The following LRCH2 variants were observed in gnomAD, a reference collection of about 807,000 sequenced individuals.
The protein encoded by LRCH2 is leucine-rich repeat and calponin homology domain-containing protein 2.
Under a neutral mutation model 68.9 loss-of-function variants are expected in LRCH2, and 38 were observed. That is an observed-to-expected ratio of 0.55 (90% CI 0.43 to 0.72). LRCH2 has a LOEUF of 0.72. LRCH2 is among the 30% of genes least tolerant of loss of function. The pLI is 0.00. For missense variants in LRCH2, 528 were observed against 572.9 expected (o/e 0.92, Z 0.80); for synonymous variants, 191 against 208.1 (o/e 0.92, Z 0.71).
chrX:115,118,668 T>A (rs2072106530), intron 20 of LRCH2, among the ~76,000 whole-genome samples: 1 of 111,449 alleles, frequency 9.0e-6, no homozygotes, highest in Non-Finnish European at 1.9e-5. Flanking sequence ...ACTCATTTGA[T>A]GAGGCCAGCA....
At chrX:115,232,928 T>C (rs986553594) in intron 1 of LRCH2, among the ~76,000 whole-genome samples, 1 of 111,934 alleles carries the variant, frequency 8.9e-6, no homozygotes, top group Non-Finnish European at 1.9e-5. Context: ...CCCAAAGTGA[T>C]AAACCTTTAA....
chrX:115,205,869 C>T (rs997255583), intron 1 of LRCH2, among the ~76,000 whole-genome samples: 2 of 109,627 alleles, frequency 1.8e-5, no homozygotes, highest in South Asian at 3.9e-4. Flanking sequence ...ACCTGGGAGG[C>T]GGAGGTTGCA....
chrX:115,228,569 A>T (rs2073134123), intron 1 of LRCH2, among the ~76,000 whole-genome samples: 1 of 111,630 alleles, frequency 9.0e-6, no homozygotes, highest in South Asian at 3.8e-4. Context: ...TAAGTCTTCA[A>T]TTATCTTTAT....
chrX:115,225,904 A>C (rs1376813351), intron 1 of LRCH2, among the ~76,000 whole-genome samples: 1 of 112,208 alleles, frequency 8.9e-6, no homozygotes, highest in Non-Finnish European at 1.9e-5. Context: ...ATACCTTTTT[A>C]AACACACTTG....
intron 1 of LRCH2, among the ~76,000 whole-genome samples, chrX:115,214,859 A>G (rs1476482768): frequency 1.8e-5 from 2 of 111,967 alleles, no homozygotes; most frequent in African/African-American, 6.5e-5. Context: ...CCTTATTTAA[A>G]AGAAGAGGGA....
chrX:115,231,101 A>G (rs781966520), intron 1 of LRCH2, among the ~76,000 whole-genome samples: 4 of 111,407 alleles, frequency 3.6e-5, no homozygotes, highest in Non-Finnish European at 7.6e-5. Context: ...TTTCACCCAG[A>G]TTCTCACCAC....
chrX:115,149,817 T>A lies in LRCH2; in HGVS notation c.1695+10A>T, dbSNP rs2072417651. On this transcript the variant is annotated intron_variant, in intron 14 of 20. Transcript: ENST00000317135. The stretch of plus-strand genomic sequence containing the variant: ...TTACAAAGTAAATTTAAAAACTTAA[T>A]ATAGAGTACCTTGAAATATTCTTTT... 7 of 1,073,145 alleles carry A rather than the reference T, an allele frequency of 6.5e-6. No individual in the cohort carries two copies. In the East Asian group the frequency reaches 2.1e-4, roughly 33 times the overall value. The allele number at this position is 1,073,145 out of a possible 1,213,427, so 88.4% of individuals were successfully genotyped here.
In LRCH2 at chrX:115,126,868, G is replaced by A; in HGVS notation, c.1766C>T (p.Ser589Leu). 1 of 1,081,393 alleles carries A rather than the reference G, an allele frequency of 9.2e-7. No individual in the cohort carries two copies. Among genetic ancestry groups the A allele is most frequent in the Non-Finnish European group, 1.2e-6 (1 of 825,620 alleles). 89.1% of individuals were successfully genotyped at this position (1,081,393 alleles called of 1,213,427 possible). The change falls in exon 16 of 21, where the codon TCA (serine) becomes TTA (leucine). Residue 589 changes from serine (S) to leucine (L), a missense_variant. Coordinates refer to ENST00000317135, the MANE Select transcript of LRCH2 (RefSeq NM_020871.4). ...DEQDSDNANM[S>L]TQSPVSSEEY... ...CTCAGATGATACTGGAGATTGTGTT[G>A]ACATATTAGCATTATCACTGTCTTG... is the stretch of plus-strand genomic sequence containing the variant.
At chrX:115,121,171 T>TA (rs782084039) in intron 20 of LRCH2, among the ~76,000 whole-genome samples, 11 of 107,741 alleles carry the variant, frequency 1.0e-4, no homozygotes, top group South Asian at 4.0e-4. Flanking sequence ...TAAAGTATAA[T>TA]AATAAATAAA....
chrX:115,201,810 G>A (rs1049968014), intron 1 of LRCH2, among the ~76,000 whole-genome samples: 19 of 111,564 alleles, frequency 1.7e-4, no homozygotes, highest in African/African-American at 4.9e-4. Context: ...AAAGTTTCAG[G>A]ATACAAAAAT....
chrX:115,175,379 T>G (rs1319963862), intron 5 of LRCH2, among the ~76,000 whole-genome samples: 1 of 111,452 alleles, frequency 9.0e-6, no homozygotes, highest in Non-Finnish European at 1.9e-5. Context: ...CCTTTCTGTG[T>G]AACCACTGGC....
intron 14 of LRCH2, among the ~76,000 whole-genome samples, chrX:115,138,101 GC>G (rs1486639310): frequency 8.4e-5 from 9 of 106,529 alleles, no homozygotes; most frequent in Non-Finnish European, 1.7e-4. Flanking sequence ...CCTTCTCCAG[GC>G]CCCCCTTTCT....
intron 20 of LRCH2, among the ~76,000 whole-genome samples, chrX:115,119,669 C>T (rs1208001916): frequency 1.3e-5 from 1 of 76,163 alleles, no homozygotes; most frequent in East Asian, 4.0e-4. Flanking sequence ...GAAAAAACTA[C>T]TTTAAAGTTC....
intron 1 of LRCH2, chrX:115,192,532 A>G: frequency 8.6e-7 from 1 of 1,169,300 alleles, no homozygotes; most frequent in South Asian, 1.9e-5. Context: ...GCCCATGGAA[A>G]CGGGCAGCCC....
intron 1 of LRCH2, chrX:115,190,007 A>G (rs1556556749): frequency 2.3e-5 from 27 of 1,160,079 alleles, no homozygotes; most frequent in Non-Finnish European, 1.1e-6. Flanking sequence ...TCGGGGCAAG[A>G]TGGCTACTCA....
At chrX:115,135,411 G>A (rs782565188) in intron 14 of LRCH2, among the ~76,000 whole-genome samples, 38 of 111,018 alleles carry the variant, frequency 3.4e-4, no homozygotes, top group Non-Finnish European at 6.0e-4. Flanking sequence ...TTACAGGCAT[G>A]AGCTGCCACG....
intron 3 of LRCH2, among the ~76,000 whole-genome samples, chrX:115,180,657 G>A (rs1451910379): frequency 1.8e-5 from 2 of 111,460 alleles, no homozygotes; most frequent in Non-Finnish European, 3.8e-5. Flanking sequence ...AGCTTGGAGG[G>A]AGGAGAATAG....
At chrX:115,192,075 C>G in intron 1 of LRCH2, 1 of 1,165,048 alleles carries the variant, frequency 8.6e-7, no homozygotes, top group South Asian at 1.9e-5. Context: ...GCCGATCGCC[C>G]GATGCCCACA....
chrX:115,179,799 C>T, intron 3 of LRCH2, 48 bp from the exon 4 acceptor site: 1 of 565,561 alleles, frequency 1.8e-6, no homozygotes, highest in Non-Finnish European at 2.5e-6. Flanking sequence ...CTGAGAAATA[C>T]ATATATTATA....
Sources: gnomAD v4.1 joint callset for allele counts (sites outside exome capture counted in the v4.1 genomes callset) on GRCh38, gnomAD v4.1.1 for gene constraint, MANE v1.5 for transcripts, NCBI Gene and HGNC (gene_info 2026-07-23, HGNC 2026-07-21) for gene names.